ABLIM2: variants seen among roughly 807,000 people sequenced by gnomAD.
ABLIM2 encodes actin-binding LIM protein 2.
A neutral mutation model predicts 97.7 loss-of-function variants in ABLIM2; 53 were observed. The observed-to-expected ratio is 0.54, with a 90% CI of 0.44 to 0.68. The LOEUF (loss-of-function observed/expected upper bound fraction) is 0.68, where lower values mean the gene tolerates loss of function less well. Ranked by LOEUF, ABLIM2 falls within the 30% of genes least tolerant of loss-of-function variation. ABLIM2 has a pLI of 0.00. For synonymous variants in ABLIM2, 361 were observed against 345.8 expected (o/e 1.04, Z -0.49); for missense variants, 835 against 867.2 (o/e 0.96, Z 0.47).
chr4:8,084,218 C>T (rs1052489739), intron 4 of ABLIM2, among the ~76,000 whole-genome samples: 5 of 152,192 alleles, frequency 3.3e-5, no homozygotes, highest in African/African-American at 4.8e-5. Context: ...CGTTCAAGTT[C>T]GGCCCCAGCG....
chr4:7,974,987 G>C (rs1731780677), intron 20 of ABLIM2, among the ~76,000 whole-genome samples: 1 of 152,230 alleles, frequency 6.6e-6, no homozygotes, highest in South Asian at 2.1e-4. Flanking sequence ...GGGAGGCTGA[G>C]GTGGGAGGAT....
At position 8,127,559 on chromosome 4, in the gene ABLIM2, C is replaced by G; in HGVS notation, c.11-20922G>C. The G allele has an allele frequency of 7.8e-7, 1 of 1,289,818 alleles. No individual in the cohort carries two copies. The highest frequency in any genetic ancestry group is 1.0e-6 in the Non-Finnish European group (1 of 988,842). 79.9% of individuals were successfully genotyped at this position (1,289,818 alleles called of 1,614,324 possible). A position where few individuals can be genotyped will look rare whatever the true frequency, so the allele number is the denominator to read the frequency against. ...TTTGGGGATTTACCTGTGTCTCCCC[C>G]TGGCACCCCCATGGAGCGTGGCTGC... is the stretch of plus-strand genomic sequence containing the variant. On this transcript the variant is annotated intron_variant, in intron 1 of 20. Coordinates refer to ENST00000447017, the MANE Select transcript of ABLIM2 (RefSeq NM_001130083.2). This position sits in a 1 kb window ranked among gnomAD's most constrained non-coding sequence, Gnocchi z 7.3.
intron 12 of ABLIM2, among the ~76,000 whole-genome samples, chr4:8,027,267 G>A (rs1431340212): frequency 6.6e-6 from 1 of 152,206 alleles, no homozygotes; most frequent in Non-Finnish European, 1.5e-5. Flanking sequence ...GGATGTGGAT[G>A]GCTCATCCAC....
rs1392614477 is a variant in ABLIM2, at chr4:8,110,684, G to T, written c.11-4047C>A. Among the ~76,000 whole-genome samples, 17 of 152,310 alleles carry T rather than the reference G, an allele frequency of 1.1e-4. No homozygotes were observed. The South Asian group carries it at 3.5e-3, about 32-fold the overall frequency. ...GGGGTGGGGTGTGGGGGTGAGGGTT[G>T]AGGGAAGCTGCTAAGAGCATGGATT... On this transcript the variant is annotated intron_variant, in intron 1 of 20. Transcript: ENST00000447017.
chr4:7,988,661 A>G (rs1746325714), intron 17 of ABLIM2, among the ~76,000 whole-genome samples: 1 of 152,230 alleles, frequency 6.6e-6, no homozygotes, highest in Admixed American at 6.5e-5. Flanking sequence ...TTTTTAAATA[A>G]TTACTCATGT....
At position 8,123,197 on chromosome 4, in the gene ABLIM2, C is replaced by A. The variant is rs762414854; in HGVS notation, c.11-16560G>T. 6.6e-6 allele frequency among the ~76,000 whole-genome samples: 1 copy of A among 152,192 alleles called. No individual in the cohort carries two copies. Among genetic ancestry groups the A allele is most frequent in the Non-Finnish European group, 1.5e-5 (1 of 68,028 alleles). On this transcript the variant is annotated intron_variant, in intron 1 of 20. Coordinates refer to ENST00000447017, the MANE Select transcript of ABLIM2 (RefSeq NM_001130083.2). This position sits in a 1 kb window ranked among gnomAD's most constrained non-coding sequence, Gnocchi z 6.2. ...GAGCATTCTTCCCTGGCAGCTGGTG[C>A]CCCTTACTTGGGGTCTCTAATCCCT...
At chr4:8,080,971 G>A (rs1027476638) in intron 4 of ABLIM2, among the ~76,000 whole-genome samples, 169 bp from the exon 5 acceptor site, 2 of 152,180 alleles carry the variant, frequency 1.3e-5, no homozygotes, top group African/African-American at 4.8e-5. Flanking sequence ...GCAGTCTCTG[G>A]AGCATAGGGA....
At position 8,066,365 on chromosome 4, in the gene ABLIM2, GGAAGGAAGGAAGGAA is replaced by G. The variant is rs1807543019; in HGVS notation, c.676-5326_676-5312del. ...GGGAGAGAGGGAGGGAGGGAGGGAA[GGAAGGAAGGAAGGAA>G]GGAAGGAAGGAAGGAAGGAAGGAAG... On this transcript the variant is annotated intron_variant, in intron 6 of 20. Transcript: ENST00000447017. Among the ~76,000 whole-genome samples, 145 of 52,112 alleles carry G rather than the reference GGAAGGAAGGAAGGAA, an allele frequency of 2.8e-3. 8 individuals are homozygous for G. Among genetic ancestry groups the G allele is most frequent in the African/African-American group, 8.2e-3 (92 of 11,278 alleles). The allele number at this position is 52,112 out of a possible 152,430, so 34.2% of individuals were successfully genotyped here.
Position 8,158,753 on chromosome 4 carries a change from G to A in ABLIM2, c.-64C>T, listed in dbSNP as rs1716261263. 3 of 1,325,916 alleles carry A rather than the reference G, an allele frequency of 2.3e-6. No homozygotes were observed. The highest frequency in any genetic ancestry group is 3.8e-5 in the Admixed American group (1 of 26,034). The allele number at this position is 1,325,916 out of a possible 1,614,324, so 82.1% of individuals were successfully genotyped here. A position where few individuals can be genotyped will look rare whatever the true frequency, so the allele number is the denominator to read the frequency against. ...GACAGCCAGACCCTCGGGCCCGCAG[G>A]TGCCGCGCCCGCGCTATCCTCCGCC... On this transcript the variant is annotated 5_prime_UTR_variant, in exon 1 of 21. Coordinates refer to ENST00000447017, the MANE Select transcript of ABLIM2 (RefSeq NM_001130083.2).
At chr4:8,156,446 A>C (rs1404412667) in intron 1 of ABLIM2, among the ~76,000 whole-genome samples, 2 of 152,184 alleles carry the variant, frequency 1.3e-5, no homozygotes, top group East Asian at 3.9e-4. Flanking sequence ...TGTGCTATAT[A>C]AACAATCGCT....
intron 5 of ABLIM2, among the ~76,000 whole-genome samples, chr4:8,078,353 G>A (rs555756028): frequency 3.3e-5 from 5 of 152,340 alleles, no homozygotes; most frequent in South Asian, 2.1e-4. Flanking sequence ...GCACACGTGC[G>A]GCCTGCCTGC....
chr4:8,104,123 GC>G (rs1285595286), intron 2 of ABLIM2, among the ~76,000 whole-genome samples: 1 of 152,186 alleles, frequency 6.6e-6, no homozygotes, highest in Non-Finnish European at 1.5e-5. Flanking sequence ...GCGCTGACAC[GC>G]CCCCTTTGCT....
chr4:8,079,811 C>T (rs751527877), intron 5 of ABLIM2, among the ~76,000 whole-genome samples: 8 of 152,114 alleles, frequency 5.3e-5, no homozygotes, highest in African/African-American at 1.2e-4. Context: ...TATCACAGGG[C>T]GTTTTTCATC....
intron 14 of ABLIM2, among the ~76,000 whole-genome samples, chr4:8,011,855 A>AT (rs957021110): frequency 2.6e-5 from 4 of 151,646 alleles, no homozygotes; most frequent in African/African-American, 7.3e-5. Context: ...GAGGTCTCAA[A>AT]TTTTTTTTTC....
intron 1 of ABLIM2, among the ~76,000 whole-genome samples, chr4:8,136,426 G>C (rs761675645): frequency 1.3e-5 from 2 of 152,214 alleles, no homozygotes; most frequent in Non-Finnish European, 2.9e-5. Flanking sequence ...GAATGGTCTA[G>C]ATGGAAATAT....
Position 8,032,630 on chromosome 4 carries a change from CGA to C in ABLIM2, c.1048-2856_1048-2855del. 3 of 1,612,296 alleles carry C rather than the reference CGA, an allele frequency of 1.9e-6. No individual in the cohort carries two copies. The highest frequency in any genetic ancestry group is 2.5e-6 in the Non-Finnish European group (3 of 1,179,774). On this transcript the variant is annotated intron_variant, in intron 10 of 20. Coordinates refer to ENST00000447017, the MANE Select transcript of ABLIM2 (RefSeq NM_001130083.2). This position sits in a 1 kb window ranked among gnomAD's most constrained non-coding sequence, Gnocchi z 4.3. ...CAGCGCCACGGCAAGCGGGGACAGGCGAGAGGGTGGTGGTTACCTCGGTCGGC... is the reference window on the plus strand; with the variant it reads ...CAGCGCCACGGCAAGCGGGGACAGGCGAGGGTGGTGGTTACCTCGGTCGGC...
rs944245549 is a variant in ABLIM2, at chr4:8,045,426, G to A, written c.823-185C>T. 2.6e-5 allele frequency among the ~76,000 whole-genome samples: 4 copies of A among 152,194 alleles called. 1 individual carries two copies. Among genetic ancestry groups the A allele is most frequent in the Admixed American group, 2.0e-4 (3 of 15,286 alleles). The stretch of plus-strand genomic sequence containing the variant: ...AGCACTTTGGGAGGCTGAGGTGGGC[G>A]GATCACGAGGTCAGGAGTTCGAGAT... On this transcript the variant is annotated intron_variant, in intron 8 of 20. Coordinates refer to ENST00000447017, the MANE Select transcript of ABLIM2 (RefSeq NM_001130083.2).
rs6822068 is a variant in ABLIM2, at chr4:8,128,389, C to G, written c.11-21752G>C. ...TCTAGCGAATCAGAGTCCAGCACCC[C>G]GTCATAGGATGCGTTGCACCTGCAC... On this transcript the variant is annotated intron_variant, in intron 1 of 20. Coordinates refer to ENST00000447017, the MANE Select transcript of ABLIM2 (RefSeq NM_001130083.2). The surrounding 1 kb of genome is among the most constrained non-coding windows in gnomAD (Gnocchi z 4.9). 4.6e-5 allele frequency among the ~76,000 whole-genome samples: 7 copies of G among 152,248 alleles called. No homozygotes were observed. The highest frequency in any genetic ancestry group is 2.1e-4 in the South Asian group (1 of 4,828).
At position 8,096,997 on chromosome 4, in the gene ABLIM2, C is replaced by T. The variant is rs573557500; in HGVS notation, c.338+102G>A. On this transcript the variant is annotated intron_variant, in intron 3 of 20. Transcript: ENST00000447017. ...CAGCCTCGCTGCAGGATGCAGAGGGCGGGTCACGGGAGGGAGCAGGAGGAA... is the reference window on the plus strand; with the variant it reads ...CAGCCTCGCTGCAGGATGCAGAGGGTGGGTCACGGGAGGGAGCAGGAGGAA... 1.1e-4 allele frequency: 144 copies of T among 1,362,742 alleles called. 1 individual carries two copies. The South Asian group carries it at 1.9e-3, about 18-fold the overall frequency. 84.4% of individuals were successfully genotyped at this position (1,362,742 alleles called of 1,614,324 possible). A position where few individuals can be genotyped will look rare whatever the true frequency, so the allele number is the denominator to read the frequency against.
Sources: allele counts gnomAD v4.1 joint callset (sites outside exome capture counted in the v4.1 genomes callset), GRCh38; gene constraint gnomAD v4.1.1; non-coding constraint Gnocchi (gnomAD v3.1); transcripts MANE v1.5; gene names NCBI Gene and HGNC (gene_info 2026-07-23, HGNC 2026-07-21).